The following C1orf159 variants were observed in gnomAD, a reference collection of about 807,000 sequenced individuals.
The protein encoded by C1orf159 is uncharacterized protein C1orf159.
Under a neutral mutation model 25.6 loss-of-function variants are expected in C1orf159, and 19 were observed. The ratio of observed to expected loss-of-function variants is 0.74; its 90% CI spans 0.52 to 1.09. The LOEUF is 1.09. Ranked by LOEUF, C1orf159 falls within the 50% of genes least tolerant of loss-of-function variation. The pLI is 0.00. For missense variants in C1orf159, 274 were observed against 290.6 expected, an observed-to-expected ratio of 0.94 and a Z score of 0.42; for synonymous variants, 139 against 124.7, an observed-to-expected ratio of 1.12 and a Z score of -0.77.
intron 1 of C1orf159, among the ~76,000 whole-genome samples, chr1:1,104,253 C>T (rs1259130532): frequency 6.6e-6 from 1 of 152,244 alleles, no homozygotes; most frequent in Non-Finnish European, 1.5e-5. Flanking sequence ...TCCCAAAGTG[C>T]TGGGATCACA....
rs571363942 is a variant in C1orf159, at chr1:1,110,707, G to A, written c.-136+5353C>T. Among the ~76,000 whole-genome samples, 140 of 152,180 alleles carry A rather than the reference G, an allele frequency of 9.2e-4. No homozygotes were observed. The highest frequency in any genetic ancestry group is 3.0e-3 in the African/African-American group (126 of 41,518). ...GAAACAACACACGCCCGCCAAACAC[G>A]TGCACAAAAATAGGCCCAACTCTTC... On this transcript the variant is annotated intron_variant, in intron 1 of 9. Coordinates refer to ENST00000421241, the MANE Select transcript of C1orf159 (RefSeq NM_017891.5). The surrounding 1 kb of genome is among the most constrained non-coding windows in gnomAD (Gnocchi z 4.8).
chr1:1,112,553 C>T (rs1483466811), intron 1 of C1orf159, among the ~76,000 whole-genome samples: 6 of 152,118 alleles, frequency 3.9e-5, no homozygotes, highest in African/African-American at 1.4e-4. Flanking sequence ...CACGCTCCCT[C>T]CCTCCAGTGA....
chr1:1,097,867 C>A (rs550228453), intron 1 of C1orf159, among the ~76,000 whole-genome samples: 1 of 152,144 alleles, frequency 6.6e-6, no homozygotes, highest in South Asian at 2.1e-4. Flanking sequence ...CTGTATTTGT[C>A]TTTATTTCCC....
chr1:1,108,658 TCG>T (rs1646213424), intron 1 of C1orf159, among the ~76,000 whole-genome samples: 1 of 101,562 alleles, frequency 9.8e-6, no homozygotes, highest in African/African-American at 4.3e-5. Flanking sequence ...CCACCATGTC[TCG>T]GCAGCACCGT....
intron 1 of C1orf159, among the ~76,000 whole-genome samples, chr1:1,113,402 G>C (rs926370680): frequency 7.9e-5 from 12 of 152,206 alleles, no homozygotes; most frequent in Non-Finnish European, 1.5e-5. Context: ...CCAGAGTGGT[G>C]AGAAGAGGTG....
At chr1:1,085,429 C>T (rs949365778) in intron 7 of C1orf159, 5 of 293,450 alleles carry the variant, frequency 1.7e-5, no homozygotes, top group East Asian at 9.4e-5. Flanking sequence ...CCGGGGTGAC[C>T]GTGTGTACGG....
At position 1,103,415 on chromosome 1, in the gene C1orf159, C is replaced by T. The variant is rs112659163; in HGVS notation, c.-135-11312G>A. On this transcript the variant is annotated intron_variant, in intron 1 of 9. Coordinates refer to ENST00000421241, the MANE Select transcript of C1orf159 (RefSeq NM_017891.5). ...TGAACTGTACCCTGTACATTGCAAACGTTACATTGTGAAGACACTGGAATT... is the reference window on the plus strand; with the variant it reads ...TGAACTGTACCCTGTACATTGCAAATGTTACATTGTGAAGACACTGGAATT... 4.2e-3 allele frequency among the ~76,000 whole-genome samples: 646 copies of T among 152,322 alleles called. 5 individuals are homozygous for T. Among genetic ancestry groups the T allele is most frequent in the African/African-American group, 0.015 (605 of 41,558 alleles).
chr1:1,091,618 G>T, intron 2 of C1orf159, 53 bp from the exon 3 acceptor site: 1 of 1,301,114 alleles, frequency 7.7e-7, no homozygotes, highest in Non-Finnish European at 1.1e-6. Flanking sequence ...GGCTGAGGCA[G>T]GGTGGGTGGG....
intron 1 of C1orf159, among the ~76,000 whole-genome samples, 191 bp downstream of exon 1, chr1:1,115,869 A>T (rs544708531): frequency 6.8e-6 from 1 of 147,136 alleles, no homozygotes; most frequent in Admixed American, 6.7e-5. Flanking sequence ...GGCGACGAGG[A>T]CGCGGGCCCA....
At chr1:1,102,414 CTCTG>C (rs1646114184) in intron 1 of C1orf159, among the ~76,000 whole-genome samples, 1 of 150,260 alleles carries the variant, frequency 6.7e-6, no homozygotes, top group Non-Finnish European at 1.5e-5. Context: ...ATTTCTATTC[CTCTG>C]TCTTTGAGGA....
chr1:1,088,915 G>A (rs559591876), intron 4 of C1orf159, among the ~76,000 whole-genome samples: 4 of 152,344 alleles, frequency 2.6e-5, no homozygotes, highest in South Asian at 2.1e-4. Context: ...GTGGAGCTGC[G>A]CTCTCCCAGC....
rs149094393 is a variant in C1orf159, at chr1:1,100,114, AGACG to A, written c.-135-8015_-135-8012del. Among the ~76,000 whole-genome samples the A allele has an allele frequency of 7.5e-3, 1,135 of 152,254 alleles. 11 individuals are homozygous for A. Among genetic ancestry groups the A allele is most frequent in the African/African-American group, 0.026 (1,081 of 41,490 alleles). On this transcript the variant is annotated intron_variant, in intron 1 of 9. Coordinates refer to ENST00000421241, the MANE Select transcript of C1orf159 (RefSeq NM_017891.5). ...CCCATCTCTTAAAAAACAAATACAT[AGACG>A]GACAGACAGACACACACACCACAGT...
intron 1 of C1orf159, among the ~76,000 whole-genome samples, chr1:1,097,414 ATTTG>A (rs750573486): frequency 6.1e-5 from 9 of 147,620 alleles, no homozygotes; most frequent in African/African-American, 1.8e-4. Context: ...CTATCTTTCT[ATTTG>A]TTTGTTTGCT....
chr1:1,115,761 C>T (rs1387979131), intron 1 of C1orf159, among the ~76,000 whole-genome samples: 1 of 105,164 alleles, frequency 9.5e-6, no homozygotes, highest in African/African-American at 3.7e-5. Context: ...TCCCCGGGGT[C>T]CCCCTGCCCT....
rs1316478181 is a variant in C1orf159 at position 1,082,968 on chromosome 1, G to C, written c.522C>G (p.Val174=). ...CCCTGTCCAGGGGCCGCTCCCGCCT[G>C]ACGTAGCGCGGCTTCCGTACTGAAA... ...PQSSVRKPRY[V]RRERPLDRAT... is the part of the protein sequence containing the mutation. The change falls in exon 10 of 10, where the codon GTC becomes GTG. Residue 174 remains valine, a synonymous_variant. Transcript: ENST00000421241. The C allele has an allele frequency of 6.2e-7, 1 of 1,601,026 alleles. No homozygotes were observed. Among genetic ancestry groups the C allele is most frequent in the Non-Finnish European group, 8.5e-7 (1 of 1,174,536 alleles).
chr1:1,104,825 A>C (rs1002378850), intron 1 of C1orf159, among the ~76,000 whole-genome samples: 31 of 152,140 alleles, frequency 2.0e-4, no homozygotes, highest in African/African-American at 7.2e-4. Context: ...AAGGAAAAAA[A>C]AAAAGCTTTG....
intron 1 of C1orf159, among the ~76,000 whole-genome samples, chr1:1,103,075 G>A (rs754991526): frequency 2.6e-5 from 4 of 151,894 alleles, no homozygotes; most frequent in Non-Finnish European, 4.4e-5. Context: ...ACTCCTGACC[G>A]CAGGTGATCC....
rs1326753502 is a variant in C1orf159, at chr1:1,091,995, C to T, written c.-27G>A. On this transcript the variant is annotated 5_prime_UTR_variant, in exon 2 of 10. Transcript: ENST00000421241. ...GAGGTGTAGGCAGGGCCTTACCTGC[C>T]CCTCCAGGATGGGGACTACCGACAT... 10 of 458,078 alleles carry T rather than the reference C, an allele frequency of 2.2e-5. No individual in the cohort carries two copies. Among genetic ancestry groups the T allele is most frequent in the South Asian group, 1.4e-4 (9 of 64,544 alleles). 28.4% of individuals were successfully genotyped at this position (458,078 alleles called of 1,614,324 possible). A position where few individuals can be genotyped will look rare whatever the true frequency, so the allele number is the denominator to read the frequency against.
rs1645823989 is a variant in C1orf159 at position 1,086,025 on chromosome 1, AC to A, written c.311-14del. The A allele has an allele frequency of 6.2e-7, 1 of 1,612,356 alleles. No individual in the cohort carries two copies. The highest frequency in any genetic ancestry group is 8.5e-7 in the Non-Finnish European group (1 of 1,179,632). The stretch of plus-strand genomic sequence containing the variant: ...ACGCGCGGAGCCCCTGCAAACAGAC[AC>A]CGCTGAGCAGACGGGCAGGACGGTG... On this transcript the variant is annotated splice_polypyrimidine_tract_variant and intron_variant, in intron 6 of 9. Transcript: ENST00000421241.
Sources: gnomAD v4.1 joint callset for allele counts (sites outside exome capture counted in the v4.1 genomes callset) on GRCh38, gnomAD v4.1.1 for gene constraint, Gnocchi (gnomAD v3.1) non-coding constraint, MANE v1.5 for transcripts, NCBI Gene and HGNC (gene_info 2026-07-23, HGNC 2026-07-21) for gene names.